DHRSX: variants seen among roughly 807,000 people sequenced by gnomAD.
DHRSX encodes dehydrogenase/reductase X-linked.
A neutral mutation model predicts 34.0 loss-of-function variants in DHRSX; 31 were observed. The observed-to-expected ratio is 0.91, with a 90% confidence interval of 0.69 to 1.23. The LOEUF (loss-of-function observed/expected upper bound fraction) is 1.23. Ranked by LOEUF, DHRSX falls within the 50% of genes most tolerant of loss-of-function variation. The probability of loss-of-function intolerance (pLI) is 0.00; values close to 1 mark genes in which losing one functional copy is unlikely to be tolerated. For missense variants in DHRSX, 414 were observed against 428.1 expected (o/e 0.97, Z 0.29); for synonymous variants, 201 against 183.8 (o/e 1.09, Z -0.76).
chrX:2,417,604 C>G (rs1569498856), intron 2 of DHRSX, among the ~76,000 whole-genome samples: 1 of 151,958 alleles, frequency 6.6e-6, no homozygotes, highest in Non-Finnish European at 1.5e-5. Flanking sequence ...TCATCATGAC[C>G]TACCCAACTA....
At chrX:2,474,080 TGA>T (rs1255939643) in intron 1 of DHRSX, among the ~76,000 whole-genome samples, 1 of 151,976 alleles carries the variant, frequency 6.6e-6, no homozygotes, top group Non-Finnish European at 1.5e-5. Flanking sequence ...GGATTCCACA[TGA>T]GAGTCAGAGA....
At chrX:2,250,856 T>A (rs2016419495) in intron 5 of DHRSX, among the ~76,000 whole-genome samples, 1 of 151,990 alleles carries the variant, frequency 6.6e-6, no homozygotes, top group African/African-American at 2.4e-5. Flanking sequence ...TCTGAAAAAT[T>A]TAGGGGATTG....
chrX:2,232,284 G>C (rs974828304), intron 6 of DHRSX, among the ~76,000 whole-genome samples: 12 of 151,994 alleles, frequency 7.9e-5, no homozygotes, highest in Non-Finnish European at 1.2e-4. Flanking sequence ...TTGTTCACTT[G>C]TGTGAGGCTG....
chrX:2,357,204 A>G (rs1404556814), intron 3 of DHRSX, among the ~76,000 whole-genome samples: 1 of 152,064 alleles, frequency 6.6e-6, no homozygotes, highest in Non-Finnish European at 1.5e-5. Context: ...AGATCACACC[A>G]TTGCACTCTG....
intron 3 of DHRSX, among the ~76,000 whole-genome samples, chrX:2,310,724 T>A (rs1168479961): frequency 6.7e-6 from 1 of 149,420 alleles, no homozygotes; most frequent in Admixed American, 6.7e-5. Context: ...GACACAGAAA[T>A]AGAAGCACAG....
At chrX:2,430,773 G>A (rs1460184842) in intron 1 of DHRSX, among the ~76,000 whole-genome samples, 7 of 152,098 alleles carry the variant, frequency 4.6e-5, no homozygotes, top group Admixed American at 4.6e-4. Flanking sequence ...AGCACTTTGG[G>A]AAGCCAAGGC....
intron 3 of DHRSX, among the ~76,000 whole-genome samples, chrX:2,382,561 CCAT>C (rs1478782249): frequency 1.8e-4 from 9 of 51,386 alleles, no homozygotes; most frequent in South Asian, 6.5e-4. Flanking sequence ...ATCACCATCA[CCAT>C]CATCATCATC....
chrX:2,252,859 T>A (rs1456017778), intron 5 of DHRSX, among the ~76,000 whole-genome samples: 1 of 152,170 alleles, frequency 6.6e-6, no homozygotes, highest in African/African-American at 2.4e-5. Flanking sequence ...CATTAAGGTC[T>A]GTAAATGAAA....
chrX:2,374,741 AAAAAACC>A (rs1428725385), intron 3 of DHRSX, among the ~76,000 whole-genome samples: 1 of 135,126 alleles, frequency 7.4e-6, no homozygotes, highest in Non-Finnish European at 1.7e-5. Context: ...CTCCATCTCA[AAAAAACC>A]AAAAAACAAA....
chrX:2,226,119 G>T (rs67431111), intron 6 of DHRSX, among the ~76,000 whole-genome samples: 131,897 of 152,148 alleles, frequency 0.87, 57,703 homozygotes, highest in African/African-American at 0.96. Context: ...TCTATGGGAC[G>T]TCAGGCTGGC....
chrX:2,322,661 C>T (rs1182944812), intron 3 of DHRSX, among the ~76,000 whole-genome samples: 4 of 136,216 alleles, frequency 2.9e-5, no homozygotes, highest in African/African-American at 5.7e-5. Flanking sequence ...GGATTACAGG[C>T]GTGCGCCACC....
At chrX:2,247,997 C>T (rs1434548574) in intron 5 of DHRSX, among the ~76,000 whole-genome samples, 7 of 152,040 alleles carry the variant, frequency 4.6e-5, no homozygotes, top group African/African-American at 1.2e-4. Context: ...TATAAAAACT[C>T]GCCATAAAGA....
At chrX:2,492,211 A>T (rs1453486819) in intron 1 of DHRSX, among the ~76,000 whole-genome samples, 7 of 152,310 alleles carry the variant, frequency 4.6e-5, no homozygotes, top group African/African-American at 1.7e-4. Flanking sequence ...ATGTATTAAT[A>T]ATGAAGGTAA....
chrX:2,251,684 A>C (rs2016437538), intron 5 of DHRSX, among the ~76,000 whole-genome samples: 1 of 152,156 alleles, frequency 6.6e-6, no homozygotes, highest in African/African-American at 2.4e-5. Context: ...GGCCTTGCTG[A>C]GGAAATTAAT....
In DHRSX at chrX:2,219,795, C is replaced by T. The variant is rs1034799342; in HGVS notation, c.*1246G>A. 6.6e-6 allele frequency: 1 copy of T among 152,166 alleles called. No homozygotes were observed. Among genetic ancestry groups the T allele is most frequent in the African/African-American group, 2.4e-5 (1 of 41,440 alleles). 9.4% of individuals were successfully genotyped at this position (152,166 alleles called of 1,614,324 possible). On this transcript the variant is annotated 3_prime_UTR_variant, in exon 7 of 7. Transcript: ENST00000334651. ...AAGGAGTGCAGGCTCGTAGGGTATA[C>T]ACAGTACTTTCTCAAAAGCATTGCA...
chrX:2,232,814 C>T (rs62595472), intron 6 of DHRSX, among the ~76,000 whole-genome samples: 29,421 of 151,810 alleles, frequency 0.19, 3,184 homozygotes, highest in African/African-American at 0.22. Context: ...CCTCATGATT[C>T]GCCCATGTCA....
intron 1 of DHRSX, among the ~76,000 whole-genome samples, chrX:2,447,082 G>T (rs972757760): frequency 1.3e-5 from 2 of 151,270 alleles, no homozygotes; most frequent in Non-Finnish European, 2.9e-5. Context: ...AGGGACCACC[G>T]CCCTGTACAC....
chrX:2,241,591 T>C (rs1395990754), intron 6 of DHRSX, among the ~76,000 whole-genome samples: 1 of 152,080 alleles, frequency 6.6e-6, no homozygotes, highest in Non-Finnish European at 1.5e-5. Flanking sequence ...CCACAGCCTC[T>C]GTCCCTGCAG....
intron 5 of DHRSX, among the ~76,000 whole-genome samples, chrX:2,263,770 C>T (rs1306168451): frequency 6.6e-6 from 1 of 152,172 alleles, no homozygotes; most frequent in African/African-American, 2.4e-5. Flanking sequence ...CTCAGCCTCC[C>T]AAAGTGCTGG....
Sources: gnomAD v4.1 joint callset for allele counts (sites outside exome capture counted in the v4.1 genomes callset) on GRCh38, gnomAD v4.1.1 for gene constraint, MANE v1.5 for transcripts, NCBI Gene and HGNC (gene_info 2026-07-23, HGNC 2026-07-21) for gene names.